Variants in DIP2B observed in about 807,000 individuals in gnomAD.
DIP2B encodes the protein DIP2 acetate--CoA ligase B (putative), also known as disco-interacting protein 2 homolog B.
Under a neutral mutation model 198.0 loss-of-function variants are expected in DIP2B, and 76 were observed. That is an observed-to-expected ratio of 0.38 (90% confidence interval 0.32 to 0.46). The LOEUF (loss-of-function observed/expected upper bound fraction) is 0.46. DIP2B is among the 20% of genes least tolerant of loss of function. DIP2B has a pLI of 0.99. For synonymous variants in DIP2B, 701 were observed against 739.1 expected (o/e 0.95, Z 0.84); for missense variants, 1,559 against 1,978.4 (o/e 0.79, Z 4.02).
At chr12:50,679,072 G>A (rs1248728756) in intron 8 of DIP2B, 196 bp downstream of exon 8, 3 of 618,170 alleles carry the variant, frequency 4.9e-6, no homozygotes, top group East Asian at 2.9e-5. Flanking sequence ...TTGCAAGCCA[G>A]CTAATATTTA....
intron 1 of DIP2B, among the ~76,000 whole-genome samples, chr12:50,541,063 C>G (rs779873629): frequency 6.6e-6 from 1 of 152,118 alleles, no homozygotes; most frequent in South Asian, 2.1e-4. Context: ...TACATTAACA[C>G]TCTTTTCCTT....
chr12:50,706,418 A>C (rs1054365799), intron 20 of DIP2B, 120 bp from the exon 21 acceptor site: 2 of 1,214,528 alleles, frequency 1.6e-6, no homozygotes, highest in Non-Finnish European at 1.2e-6. Context: ...AATCCGTAAA[A>C]TATGGCAGTT....
intron 1 of DIP2B, among the ~76,000 whole-genome samples, chr12:50,603,119 C>T (rs1302119713): frequency 3.4e-5 from 5 of 148,384 alleles, no homozygotes; most frequent in African/African-American, 7.5e-5. Flanking sequence ...AGCCGAGGTT[C>T]GGCCACTGCA....
intron 5 of DIP2B, 92 bp from the exon 6 acceptor site, chr12:50,674,382 T>G (rs1938908228): frequency 7.0e-7 from 1 of 1,422,038 alleles, no homozygotes; most frequent in African/African-American, 1.4e-5. Flanking sequence ...ATTTATGTAC[T>G]TTTCTTCCTT....
chr12:50,662,417 A>G (rs1938667601), intron 4 of DIP2B, among the ~76,000 whole-genome samples: 1 of 152,244 alleles, frequency 6.6e-6, no homozygotes, highest in Non-Finnish European at 1.5e-5. Context: ...TGCAACAATT[A>G]CACACATGCC....
rs971577311 is a variant in DIP2B at position 50,727,687 on chromosome 12, T to C, written c.3401-16T>C. 2 of 1,609,788 alleles carry C rather than the reference T, an allele frequency of 1.2e-6. No homozygotes were observed. The highest frequency in any genetic ancestry group is 1.7e-6 in the Non-Finnish European group (2 of 1,176,342). On this transcript the variant is annotated splice_polypyrimidine_tract_variant and intron_variant, in intron 28 of 37. Transcript: ENST00000301180. The stretch of plus-strand genomic sequence containing the variant: ...AGCATGTTGGATTGACATCAGGTTT[T>C]TTCTTTTCATGGCAGATGATTTACC...
intron 12 of DIP2B, among the ~76,000 whole-genome samples, chr12:50,690,502 A>T (rs912908863): frequency 2.0e-5 from 3 of 152,222 alleles, no homozygotes; most frequent in African/African-American, 7.2e-5. Flanking sequence ...CCTGGGCAAC[A>T]TGGTGAGACT....
chr12:50,737,734 G>A (rs368333098), intron 35 of DIP2B, among the ~76,000 whole-genome samples: 1 of 151,886 alleles, frequency 6.6e-6, no homozygotes, highest in East Asian at 1.9e-4. Context: ...CTACAGGCAC[G>A]TGCCACCATG....
At chr12:50,592,046 T>C (rs942370398) in intron 1 of DIP2B, among the ~76,000 whole-genome samples, 4 of 151,828 alleles carry the variant, frequency 2.6e-5, no homozygotes, top group Admixed American at 2.6e-4. Context: ...CCCAGCTAAT[T>C]TTTGTGTTTT....
At chr12:50,618,604 A>C (rs2139460598) in intron 1 of DIP2B, among the ~76,000 whole-genome samples, 1 of 152,338 alleles carries the variant, frequency 6.6e-6, no homozygotes, top group East Asian at 1.9e-4. Flanking sequence ...GTTTAAGAGC[A>C]GGGGCTCTGG....
At position 50,734,953 on chromosome 12, in the gene DIP2B, C is replaced by G; in HGVS notation, c.4044-120C>G. ...TAGTAGTGCTGAGTTTGAGAAACCC[C>G]TCTGTAGTATGAGGAAGAGAGACAA... is the stretch of plus-strand genomic sequence containing the variant. On this transcript the variant is annotated intron_variant, in intron 33 of 37. Coordinates refer to ENST00000301180, the MANE Select transcript of DIP2B (RefSeq NM_173602.3). 7.2e-6 allele frequency: 9 copies of G among 1,255,572 alleles called. No individual in the cohort carries two copies. The South Asian group carries it at 1.1e-4, about 16-fold the overall frequency. The allele number at this position is 1,255,572 out of a possible 1,614,324, so 77.8% of individuals were successfully genotyped here.
intron 19 of DIP2B, 46 bp from the exon 20 acceptor site, chr12:50,704,094 T>G (rs1437996228): frequency 6.4e-7 from 1 of 1,569,750 alleles, no homozygotes; most frequent in Non-Finnish European, 8.7e-7. Flanking sequence ...ACATATACTT[T>G]CTAAGAAAAA....
chr12:50,664,634 G>A (rs1292132314), intron 4 of DIP2B, among the ~76,000 whole-genome samples: 1 of 151,760 alleles, frequency 6.6e-6, no homozygotes, highest in Non-Finnish European at 1.5e-5. Context: ...AGCTTTTTCC[G>A]CACCCTTGTG....
chr12:50,643,452 T>TGTGTGTGTG (rs1565856199), intron 3 of DIP2B, among the ~76,000 whole-genome samples: 1 of 144,270 alleles, frequency 6.9e-6, no homozygotes, highest in Non-Finnish European at 1.5e-5. Context: ...TGTGTGTGTG[T>TGTGTGTGTG]TTTAAAGGAT....
At chr12:50,680,300 C>A (rs140158307) in intron 8 of DIP2B, 2 of 144,308 alleles carry the variant, frequency 1.4e-5, no homozygotes, top group Non-Finnish European at 1.5e-5. Flanking sequence ...CAGAAGTATT[C>A]TTCTGATTTT....
At chr12:50,611,875 C>T (rs1024764828) in intron 1 of DIP2B, among the ~76,000 whole-genome samples, 1 of 151,998 alleles carries the variant, frequency 6.6e-6, no homozygotes, top group Non-Finnish European at 1.5e-5. Context: ...TTGCTTTTGT[C>T]TTTATGTCTA....
At chr12:50,518,758 TTTG>T (rs1958089199) in intron 1 of DIP2B, among the ~76,000 whole-genome samples, 2 of 151,986 alleles carry the variant, frequency 1.3e-5, no homozygotes, top group Admixed American at 1.3e-4. Context: ...TTTGTTTGTT[TTTG>T]TTTGTTTTTT....
rs750552047 is a variant in DIP2B at position 50,731,369 on chromosome 12, T to C, written c.3642T>C (p.Ser1214=). The change falls in exon 31 of 38, where the codon AGT becomes AGC. Residue 1214 remains serine, a splice_region_variant and synonymous_variant. Coordinates refer to ENST00000301180, the MANE Select transcript of DIP2B (RefSeq NM_173602.3). ...CCAGCTCTTGTCTCTTTCACTGCAG[T>C]GTCTATTCAGGCCACCAGTCTGTCT... ...GLGFALWCLC[S]VYSGHQSVLI... 3 of 1,612,904 alleles carry C rather than the reference T, an allele frequency of 1.9e-6. No individual in the cohort carries two copies. The African/African-American group carries it at 4.0e-5, about 22-fold the overall frequency.
chr12:50,520,904 T>C (rs1043876469), intron 1 of DIP2B, among the ~76,000 whole-genome samples: 14 of 152,050 alleles, frequency 9.2e-5, no homozygotes, highest in Non-Finnish European at 2.1e-4. Context: ...TCCTCACTCT[T>C]TCTTGGCAAG....
Sources: gnomAD v4.1 joint callset for allele counts (sites outside exome capture counted in the v4.1 genomes callset) on GRCh38, gnomAD v4.1.1 for gene constraint, MANE v1.5 for transcripts, NCBI Gene and HGNC (gene_info 2026-07-23, HGNC 2026-07-21) for gene names.